Variants in GUCY2C observed in about 807,000 individuals in gnomAD.
GUCY2C encodes guanylate cyclase 2C.
In GUCY2C, 118 loss-of-function variants were observed where a neutral mutation model predicts 131.1. The observed-to-expected ratio is 0.90, with a 90% CI of 0.78 to 1.05. The LOEUF is 1.05. Among genes scored for constraint, GUCY2C ranks in the 50% least tolerant of loss-of-function variants. The pLI, the probability that GUCY2C is intolerant of heterozygous loss-of-function variation, is 0.00. For synonymous variants in GUCY2C, 452 were observed against 457.8 expected (o/e 0.99, Z 0.16); for missense variants, 1,161 against 1,304.4 (o/e 0.89, Z 1.69).
intron 17 of GUCY2C, among the ~76,000 whole-genome samples, chr12:14,643,337 T>C (rs964859483): frequency 2.0e-5 from 3 of 152,200 alleles, no homozygotes; most frequent in Non-Finnish European, 4.4e-5. Context: ...AAGTTATTCA[T>C]GATTTCTCAG....
chr12:14,647,974 ATTTT>A (rs1393131545), intron 15 of GUCY2C, among the ~76,000 whole-genome samples: 1 of 93,090 alleles, frequency 1.1e-5, no homozygotes, highest in Non-Finnish European at 2.4e-5. Context: ...TTATTTATTT[ATTTT>A]GAGATGAAGA....
intron 19 of GUCY2C, among the ~76,000 whole-genome samples, chr12:14,638,345 AT>A (rs35304770): frequency 0.47 from 71,181 of 151,954 alleles, 17,792 homozygotes; most frequent in East Asian, 0.71. Flanking sequence ...CTACCATATG[AT>A]CCACCAATCC....
intron 4 of GUCY2C, 29 bp downstream of exon 4, chr12:14,683,013 G>A (rs1948379822): frequency 6.8e-7 from 1 of 1,460,912 alleles, no homozygotes. Flanking sequence ...CATGGCAAGT[G>A]CTAGTGAAAT....
chr12:14,628,687 TG>T lies in GUCY2C; in HGVS notation c.2207del (p.Pro736GlnfsTer29). ...GTGTAGTCTCAATTTTTTTGAAATC[TG>T]GTCTCTTTTCTGGATCTTCCTCCCA... ...NCWEEDPEKR[P>X]DFKKIETTLA... On this transcript the variant is annotated frameshift_variant, in exon 20 of 27. Coordinates refer to ENST00000261170, the MANE Select transcript of GUCY2C (RefSeq NM_004963.4). LOFTEE classifies it high-confidence loss of function. The T allele has an allele frequency of 1.9e-6, 3 of 1,602,396 alleles. No homozygotes were observed. Among genetic ancestry groups the T allele is most frequent in the Non-Finnish European group, 2.6e-6 (3 of 1,169,556 alleles).
At chr12:14,628,893 T>C (rs1339847147) in intron 19 of GUCY2C, among the ~76,000 whole-genome samples, 156 bp from the exon 20 acceptor site, 1 of 152,238 alleles carries the variant, frequency 6.6e-6, no homozygotes, top group East Asian at 1.9e-4. Context: ...CTCTGGTTTC[T>C]GTCTCAGGCA....
At chr12:14,634,168 C>T (rs950610494) in intron 19 of GUCY2C, among the ~76,000 whole-genome samples, 4 of 152,144 alleles carry the variant, frequency 2.6e-5, no homozygotes, top group African/African-American at 9.7e-5. Context: ...AGGAAACCCC[C>T]ATCAGATTAA....
chr12:14,671,125 G>A (rs2137071184), intron 9 of GUCY2C, among the ~76,000 whole-genome samples: 1 of 151,966 alleles, frequency 6.6e-6, no homozygotes, highest in African/African-American at 2.4e-5. Flanking sequence ...TTTCGGTGGG[G>A]ACACAGCCAA....
chr12:14,653,938 G>A (rs1490708152), intron 12 of GUCY2C, among the ~76,000 whole-genome samples: 1 of 152,104 alleles, frequency 6.6e-6, no homozygotes, highest in African/African-American at 2.4e-5. Context: ...CAGAACCTAG[G>A]CTTGTCTTCT....
At position 14,625,908 on chromosome 12, in the gene GUCY2C, GA is replaced by G. The variant is rs769379377; in HGVS notation, c.2256del (p.His753MetfsTer12). 7 of 1,606,858 alleles carry G rather than the reference GA, an allele frequency of 4.4e-6. No homozygotes were observed. The highest frequency in any genetic ancestry group is 1.3e-5 in the African/African-American group (1 of 74,856). On this transcript the variant is annotated frameshift_variant, in exon 21 of 27. Coordinates refer to ENST00000261170, the MANE Select transcript of GUCY2C (RefSeq NM_004963.4). LOFTEE classifies it high-confidence loss of function. ...ETTLAKIFGL[F>X]HDQKNESYMD... ...ATATAGCTTTCATTTTTTTGGTCAT[GA>G]AAAAGTCTGTAGGTAGTAATAGATA...
At chr12:14,634,595 A>G (rs1947220699) in intron 19 of GUCY2C, among the ~76,000 whole-genome samples, 1 of 152,268 alleles carries the variant, frequency 6.6e-6, no homozygotes, top group East Asian at 1.9e-4. Context: ...ATCAAATGAA[A>G]GGAATAAGCC....
At chr12:14,658,303 C>T (rs917731533) in intron 11 of GUCY2C, among the ~76,000 whole-genome samples, 4 of 152,104 alleles carry the variant, frequency 2.6e-5, no homozygotes, top group Admixed American at 1.3e-4. Context: ...ATTTTATTAT[C>T]GTCATATTTA....
In GUCY2C at chr12:14,619,310, C is replaced by G. The variant is rs779865592; in HGVS notation, c.2777-1G>C. The G allele has an allele frequency of 6.3e-7, 1 of 1,598,166 alleles. No homozygotes were observed. Among genetic ancestry groups the G allele is most frequent in the South Asian group, 1.1e-5 (1 of 90,758 alleles). ...CCCACAACTCCAGCAGCACAGGGAC[C>G]TGAAATGAAGGACAGAAAGCAGGAA... On this transcript the variant is annotated splice_acceptor_variant, in intron 23 of 26. Coordinates refer to ENST00000261170, the MANE Select transcript of GUCY2C (RefSeq NM_004963.4). LOFTEE classifies it high-confidence loss of function.
At chr12:14,662,032 A>G (rs919571999) in intron 10 of GUCY2C, among the ~76,000 whole-genome samples, 1 of 152,184 alleles carries the variant, frequency 6.6e-6, no homozygotes, top group East Asian at 1.9e-4. Context: ...AGAGAAGGAC[A>G]GCAACAAGAA....
chr12:14,644,419 C>A (rs1407941370), intron 16 of GUCY2C, among the ~76,000 whole-genome samples: 1 of 152,180 alleles, frequency 6.6e-6, no homozygotes, highest in Non-Finnish European at 1.5e-5. Context: ...ATGTGCTTCT[C>A]TCTTGTGGTT....
At chr12:14,680,815 T>C (rs1948334054) in intron 5 of GUCY2C, among the ~76,000 whole-genome samples, 1 of 152,320 alleles carries the variant, frequency 6.6e-6, no homozygotes, top group East Asian at 1.9e-4. Context: ...TATCTGAGGA[T>C]AATTTTATAT....
intron 25 of GUCY2C, among the ~76,000 whole-genome samples, chr12:14,616,065 T>A (rs961236273): frequency 2.0e-5 from 3 of 152,166 alleles, no homozygotes; most frequent in Non-Finnish European, 4.4e-5. Context: ...AAACACATTA[T>A]CTTGTTAAAA....
chr12:14,641,134 C>T lies in GUCY2C; in HGVS notation c.2016G>A (p.Glu672=). ...DVYSYGIIAQ[E]IILRKETFYT... is the part of the protein sequence containing the mutation. ...AGAAGGTTTCTTTCCGCAGGATGAT[C>T]TCCTGTGCGATGATCCCATAGCTGT... is the stretch of plus-strand genomic sequence containing the variant. Residue 672 remains glutamate, a synonymous_variant, in exon 18 of 27, where the codon GAG becomes GAA. Coordinates refer to ENST00000261170, the MANE Select transcript of GUCY2C (RefSeq NM_004963.4). 6.2e-7 allele frequency: 1 copy of T among 1,613,826 alleles called. No individual in the cohort carries two copies. Among genetic ancestry groups the T allele is most frequent in the Non-Finnish European group, 8.5e-7 (1 of 1,179,886 alleles).
Position 14,652,894 on chromosome 12 carries a change from G to A in GUCY2C, c.1533+58C>T. ...TGACATCAGGGGCCAGGGCAATGAG[G>A]GGTCAAAAGGCCCAGAGCATACCCC... On this transcript the variant is annotated intron_variant, in intron 13 of 26. Coordinates refer to ENST00000261170, the MANE Select transcript of GUCY2C (RefSeq NM_004963.4). 2.8e-6 allele frequency: 3 copies of A among 1,090,572 alleles called. No homozygotes were observed. The South Asian group carries it at 3.7e-5, about 14-fold the overall frequency. 67.6% of individuals were successfully genotyped at this position (1,090,572 alleles called of 1,614,324 possible).
At chr12:14,680,206 C>T (rs1948323113) in intron 5 of GUCY2C, among the ~76,000 whole-genome samples, 1 of 152,166 alleles carries the variant, frequency 6.6e-6, no homozygotes, top group South Asian at 2.1e-4. Context: ...TTTATAAAGT[C>T]TCCCTAAGCA....
Sources: gnomAD v4.1 joint callset for allele counts (sites outside exome capture counted in the v4.1 genomes callset) on GRCh38, gnomAD v4.1.1 for gene constraint, MANE v1.5 for transcripts, NCBI Gene and HGNC (gene_info 2026-07-23, HGNC 2026-07-21) for gene names.